The following UFM1 variants were observed in gnomAD, a reference collection of about 807,000 sequenced individuals.
UFM1 encodes ubiquitin-fold modifier 1.
A neutral mutation model predicts 15.4 loss-of-function variants in UFM1; 9 were observed. That is an observed-to-expected ratio of 0.59 (90% CI 0.35 to 1.02). UFM1 has a LOEUF of 1.02. UFM1 is among the 50% of genes least tolerant of loss of function. The pLI, the probability that UFM1 is intolerant of heterozygous loss-of-function variation, is 0.02. For missense variants in UFM1, 98 were observed against 104.7 expected (o/e 0.94, Z 0.28); for synonymous variants, 27 against 36.3 (o/e 0.74, Z 0.92).
intron 5 of UFM1, 139 bp from the exon 6 acceptor site, chr13:38,360,572 G>A (rs1400231263): frequency 1.8e-6 from 1 of 565,334 alleles, no homozygotes; most frequent in East Asian, 3.1e-5. Flanking sequence ...AAAAAGCTTG[G>A]AATTGGGGTC....
rs1226258594 is a variant in UFM1, at chr13:38,363,168, A to G, written c.*2390A>G. The G allele has an allele frequency of 1.3e-5, 2 of 152,226 alleles. No individual in the cohort carries two copies. The highest frequency in any genetic ancestry group is 4.8e-5 in the African/African-American group (2 of 41,460). The allele number at this position is 152,226 out of a possible 1,614,324, so 9.4% of individuals were successfully genotyped here. ...CAGACATAGTAGTGATGTTTCGTCC[A>G]ACAACAGACCGCATATATGACCGTG... On this transcript the variant is annotated 3_prime_UTR_variant, in exon 6 of 6. Coordinates refer to ENST00000239878, the MANE Select transcript of UFM1 (RefSeq NM_016617.4).
At chr13:38,359,734 AAT>A (rs1317855641) in intron 5 of UFM1, 1 of 162,012 alleles carries the variant, frequency 6.2e-6, no homozygotes, top group Non-Finnish European at 1.3e-5. Flanking sequence ...ATTTTTTTTA[AAT>A]ATAGTCATTT....
At chr13:38,358,067 A>AT (rs772253753) in intron 3 of UFM1, 26 bp from the exon 4 acceptor site, 4 of 1,032,464 alleles carry the variant, frequency 3.9e-6, no homozygotes, top group South Asian at 1.9e-5. Context: ...GTATATATAT[A>AT]TATATTTTTT....
chr13:38,356,546 C>A (rs558709747), intron 3 of UFM1, among the ~76,000 whole-genome samples: 1 of 151,478 alleles, frequency 6.6e-6, no homozygotes, highest in East Asian at 1.9e-4. Flanking sequence ...AATAATTGTT[C>A]TCAGGTATGT....
chr13:38,358,055 G>A (rs777740122), intron 3 of UFM1, 38 bp from the exon 4 acceptor site: 116 of 802,138 alleles, frequency 1.4e-4, no homozygotes, highest in Admixed American at 2.5e-4. Context: ...GTGTGTGTGT[G>A]TGTATATATA....
At chr13:38,351,561 C>G (rs1878850043) in intron 2 of UFM1, among the ~76,000 whole-genome samples, 2 of 152,144 alleles carry the variant, frequency 1.3e-5, no homozygotes, top group Non-Finnish European at 2.9e-5. Flanking sequence ...TATGAAAAAC[C>G]ACTTGAGCTA....
intron 2 of UFM1, 91 bp downstream of exon 2, chr13:38,350,146 G>T (rs1254144312): frequency 6.2e-7 from 1 of 1,614,004 alleles, no homozygotes; most frequent in Admixed American, 1.7e-5. Context: ...ACTACCCCAC[G>T]CAGTCTTCAT....
chr13:38,359,158 T>G, intron 4 of UFM1, 143 bp from the exon 5 acceptor site: 1 of 592,746 alleles, frequency 1.7e-6, no homozygotes, highest in Non-Finnish European at 2.9e-6. Flanking sequence ...CCTGAAAGAT[T>G]GTCACTCGTG....
At chr13:38,353,934 C>T (rs182683910) in intron 2 of UFM1, among the ~76,000 whole-genome samples, 21 of 152,186 alleles carry the variant, frequency 1.4e-4, no homozygotes, top group African/African-American at 5.1e-4. Context: ...TAGAAACAAA[C>T]AGCAGTTCAT....
At chr13:38,359,540 A>G in intron 5 of UFM1, 1 of 447,614 alleles carries the variant, frequency 2.2e-6, no homozygotes, top group South Asian at 3.7e-5. Context: ...GCTACAAGTA[A>G]CAGAAAACCT....
At chr13:38,359,021 TG>T (rs1440124439) in intron 4 of UFM1, among the ~76,000 whole-genome samples, 1 of 152,074 alleles carries the variant, frequency 6.6e-6, no homozygotes, top group Non-Finnish European at 1.5e-5. Flanking sequence ...TAATTCTATA[TG>T]GCAAAATAGA....
chr13:38,358,768 A>T (rs1256828675), intron 4 of UFM1, among the ~76,000 whole-genome samples: 1 of 152,002 alleles, frequency 6.6e-6, no homozygotes, highest in African/African-American at 2.4e-5. Flanking sequence ...TGTAACTTAG[A>T]TAAGGTAGAA....
chr13:38,350,063 G>T lies in UFM1; in HGVS notation c.59+8G>T. On this transcript the variant is annotated splice_region_variant and intron_variant, in intron 2 of 5. Transcript: ENST00000239878. The stretch of plus-strand genomic sequence containing the variant: ...ACGGCTGCCGTACAAAGTGTGAGTA[G>T]CTCGGCCGAGATGGGCCTTTTGGGG... 2.5e-6 allele frequency: 4 copies of T among 1,614,234 alleles called. No individual in the cohort carries two copies. Among genetic ancestry groups the T allele is most frequent in the Non-Finnish European group, 3.4e-6 (4 of 1,180,044 alleles).
At chr13:38,353,854 A>G (rs1054727509) in intron 2 of UFM1, among the ~76,000 whole-genome samples, 2 of 152,114 alleles carry the variant, frequency 1.3e-5, no homozygotes, top group Admixed American at 6.5e-5. Flanking sequence ...GGTCAAGTGC[A>G]TAGATATTTA....
chr13:38,358,422 TAAGTAAAG>T (rs1879222155), intron 4 of UFM1, among the ~76,000 whole-genome samples: 1 of 151,706 alleles, frequency 6.6e-6, no homozygotes, highest in African/African-American at 2.4e-5. Context: ...TTTTTTTTAT[TAAGTAAAG>T]TTGTTTGGTA....
chr13:38,358,049 G>A (rs758204760), intron 3 of UFM1, 44 bp from the exon 4 acceptor site: 10 of 794,872 alleles, frequency 1.3e-5, no homozygotes, highest in South Asian at 1.0e-4. Flanking sequence ...GTGTGTGTGT[G>A]TGTGTGTGTA....
At chr13:38,356,626 A>G (rs988813302) in intron 3 of UFM1, among the ~76,000 whole-genome samples, 5 of 146,402 alleles carry the variant, frequency 3.4e-5, no homozygotes, top group Non-Finnish European at 6.0e-5. Context: ...TTTCTCAACT[A>G]TGTATATGTA....
chr13:38,363,219 T>G lies in UFM1; in HGVS notation c.*2441T>G, dbSNP rs1182299361. 6.6e-6 allele frequency: 1 copy of G among 152,232 alleles called. No homozygotes were observed. The highest frequency in any genetic ancestry group is 1.5e-5 in the Non-Finnish European group (1 of 68,034). 9.4% of individuals were successfully genotyped at this position (152,232 alleles called of 1,614,324 possible). A position where few individuals can be genotyped will look rare whatever the true frequency, so the allele number is the denominator to read the frequency against. ...GTCCCATATTACTATATTTTTACTG[T>G]GCTTTATCTATGTTTGGATACACAA... is the stretch of plus-strand genomic sequence containing the variant. On this transcript the variant is annotated 3_prime_UTR_variant, in exon 6 of 6. Coordinates refer to ENST00000239878, the MANE Select transcript of UFM1 (RefSeq NM_016617.4).
intron 3 of UFM1, 182 bp downstream of exon 3, chr13:38,354,478 C>A: frequency 2.4e-6 from 1 of 420,638 alleles, no homozygotes; most frequent in Non-Finnish European, 4.2e-6. Flanking sequence ...ATGAGTTAAA[C>A]AAATTGACAT....
Sources: gnomAD v4.1 joint callset for allele counts (sites outside exome capture counted in the v4.1 genomes callset) on GRCh38, gnomAD v4.1.1 for gene constraint, MANE v1.5 for transcripts, NCBI Gene and HGNC (gene_info 2026-07-23, HGNC 2026-07-21) for gene names.